The following DMD variants were observed in gnomAD, a reference collection of about 807,000 sequenced individuals.
DMD encodes mutant dystrophin.
In DMD, 63 loss-of-function variants were observed where a neutral mutation model predicts 330.1. The observed-to-expected ratio is 0.19, with a 90% confidence interval of 0.16 to 0.24. DMD has a LOEUF of 0.24. DMD is among the 10% of genes least tolerant of loss of function. The pLI is 1.00. For missense variants in DMD, 3,344 were observed against 2,684.1 expected (o/e 1.25, Z -5.43); for synonymous variants, 1,223 against 959.8 (o/e 1.27, Z -5.07).
chrX:31,155,820 T>C (rs1226945628), intron 74 of DMD, among the ~76,000 whole-genome samples: 1 of 109,865 alleles, frequency 9.1e-6, no homozygotes, highest in Non-Finnish European at 1.9e-5. Flanking sequence ...CCACCATCTT[T>C]ACAAAAAAAT....
At position 31,729,690 on chromosome X, in the gene DMD, G is replaced by C; in HGVS notation, c.7601C>G (p.Ala2534Gly). Residue 2534 changes from alanine (A) to glycine (G), a missense_variant, in exon 52 of 79, where the codon GCC (alanine) becomes GGC (glycine). By Grantham distance (60) the Ala-to-Gly change is moderately conservative. Coordinates refer to ENST00000357033, the MANE Select transcript of DMD (RefSeq NM_004006.3). ...GCTGGTCTTGTTTTTCAAATTTTGG[G>C]CAGCGGTAATGAGTTCTTCCAACTG... ...RPQLEELITA[A>G]QNLKNKTSNQ... is the part of the protein sequence containing the mutation. 8.3e-7 allele frequency: 1 copy of C among 1,211,345 alleles called. No individual in the cohort carries two copies. Among genetic ancestry groups the C allele is most frequent in the Non-Finnish European group, 1.1e-6 (1 of 895,402 alleles).
intron 7 of DMD, among the ~76,000 whole-genome samples, chrX:32,703,819 T>C (rs1391001153): frequency 9.0e-6 from 1 of 111,393 alleles, no homozygotes; most frequent in Non-Finnish European, 1.9e-5. Flanking sequence ...AGTATGAAAA[T>C]GATGGGATGT....
chrX:32,476,401 A>G (rs1466740271), intron 21 of DMD, among the ~76,000 whole-genome samples: 1 of 111,732 alleles, frequency 8.9e-6, no homozygotes. Context: ...TCATTTCAAA[A>G]AATCTAATCT....
chrX:31,739,820 TA>T (rs1309371064), intron 51 of DMD, among the ~76,000 whole-genome samples: 1 of 75,616 alleles, frequency 1.3e-5, no homozygotes, highest in African/African-American at 4.9e-5. Context: ...ATAAATAAAA[TA>T]AAAAAAGAGC....
chrX:31,269,301 T>C (rs1207543902), intron 62 of DMD, among the ~76,000 whole-genome samples: 1 of 111,716 alleles, frequency 9.0e-6, no homozygotes, highest in Non-Finnish European at 1.9e-5. Context: ...TATGATAATA[T>C]ATTGTTTGTT....
rs143461225 is a variant in DMD at position 32,643,641 on chromosome X, T to C, written c.1331+491A>G. Among the ~76,000 whole-genome samples the C allele has an allele frequency of 2.9e-3, 328 of 111,781 alleles. 2 individuals are homozygous for C. In the East Asian group the frequency reaches 0.034, roughly 12 times the overall value. ...CAATATATATTCTTAAGATAATTCATAGCCATACTGTATTTTAATAAGAAT... is the reference window on the plus strand; with the variant it reads ...CAATATATATTCTTAAGATAATTCACAGCCATACTGTATTTTAATAAGAAT... On this transcript the variant is annotated intron_variant, in intron 11 of 78. Coordinates refer to ENST00000357033, the MANE Select transcript of DMD (RefSeq NM_004006.3).
rs1557326847 is a variant in DMD, at chrX:32,394,921, A to AAAAAAAAAAC, written c.4234-4741_4234-4740insGTTTTTTTTT. Among the ~76,000 whole-genome samples the AAAAAAAAAAC allele has an allele frequency of 1.2e-3, 74 of 63,728 alleles. 2 individuals carry two copies. Among genetic ancestry groups the AAAAAAAAAAC allele is most frequent in the Middle Eastern group, 9.1e-3 (1 of 110 alleles). 55.3% of individuals were successfully genotyped at this position (63,728 alleles called of 115,157 possible). The stretch of plus-strand genomic sequence containing the variant: ...AAGAGCAAAAAACAAAAAAACAAAA[A>AAAAAAAAAAC]AAAAAAAAAAAAGAAAAGAAATCAT... On this transcript the variant is annotated intron_variant, in intron 30 of 78. Transcript: ENST00000357033.
At chrX:32,723,581 G>A (rs953223485) in intron 7 of DMD, among the ~76,000 whole-genome samples, 4 of 111,248 alleles carry the variant, frequency 3.6e-5, no homozygotes, top group African/African-American at 6.5e-5. Context: ...AATAAATCTC[G>A]ATAACTGCTT....
rs757145485 is a variant in DMD at position 31,432,647 on chromosome X, A to C, written c.9084+11834T>G. 1.3e-3 allele frequency among the ~76,000 whole-genome samples: 148 copies of C among 111,652 alleles called. 1 individual carries two copies. The highest frequency in any genetic ancestry group is 4.5e-3 in the African/African-American group (138 of 30,777). ...ATGCCTTTATTAGAATAAAGGGAAA[A>C]GGTATGTGAGAGACATAGAGAGCAA... On this transcript the variant is annotated intron_variant, in intron 60 of 78. Transcript: ENST00000357033.
intron 1 of DMD, among the ~76,000 whole-genome samples, chrX:33,301,695 A>G (rs2053664790): frequency 9.0e-6 from 1 of 111,511 alleles, no homozygotes; most frequent in African/African-American, 3.3e-5. Context: ...GAGAGAAGGG[A>G]TGCTGTGTCC....
At chrX:32,072,443 C>G (rs1410861959) in intron 44 of DMD, among the ~76,000 whole-genome samples, 1 of 109,651 alleles carries the variant, frequency 9.1e-6, no homozygotes, top group Non-Finnish European at 1.9e-5. Flanking sequence ...AAAAAAAATG[C>G]TTTACAAAAG....
chrX:31,457,686 T>C (rs73450055), intron 59 of DMD, among the ~76,000 whole-genome samples: 8,216 of 111,667 alleles, frequency 0.074, 714 homozygotes, highest in African/African-American at 0.25. Context: ...AATAGAGGAA[T>C]CTAGAATTGT....
intron 43 of DMD, among the ~76,000 whole-genome samples, chrX:32,260,248 T>C (rs1348573207): frequency 9.0e-6 from 1 of 111,359 alleles, no homozygotes; most frequent in Admixed American, 9.6e-5. Flanking sequence ...AATGTTGACA[T>C]GGCAGAGCCA....
intron 7 of DMD, among the ~76,000 whole-genome samples, chrX:32,700,704 A>C (rs190947227): frequency 8.9e-6 from 1 of 111,787 alleles, no homozygotes; most frequent in Admixed American, 9.5e-5. Flanking sequence ...ATGAATATAA[A>C]AATCAAAGAT....
chrX:32,032,884 G>A (rs975191230), intron 44 of DMD, among the ~76,000 whole-genome samples: 34 of 111,894 alleles, frequency 3.0e-4, no homozygotes, highest in African/African-American at 1.0e-3. Context: ...GAAATGGGGC[G>A]ACCAGATCTA....
At chrX:32,258,252 G>A (rs1306509791) in intron 43 of DMD, among the ~76,000 whole-genome samples, 2 of 111,856 alleles carry the variant, frequency 1.8e-5, no homozygotes, top group African/African-American at 6.5e-5. Flanking sequence ...GGAAGACAGT[G>A]TGGCGATTCC....
chrX:31,709,436 C>T (rs1031595106), intron 52 of DMD, among the ~76,000 whole-genome samples: 2 of 111,209 alleles, frequency 1.8e-5, no homozygotes, highest in African/African-American at 3.3e-5. Flanking sequence ...GGCAATAATG[C>T]TTGTTCTTAC....
chrX:32,376,002 G>A (rs1042989491), intron 34 of DMD, among the ~76,000 whole-genome samples: 5 of 111,545 alleles, frequency 4.5e-5, no homozygotes, highest in East Asian at 2.8e-4. Flanking sequence ...TCTTCTGGCC[G>A]GGTGTGGTGA....
intron 50 of DMD, among the ~76,000 whole-genome samples, chrX:31,802,086 A>G (rs2092094129): frequency 9.0e-6 from 1 of 111,382 alleles, no homozygotes; most frequent in East Asian, 2.8e-4. Context: ...TGGAGATAAG[A>G]GAGTAAGTAG....
Sources: allele counts gnomAD v4.1 joint callset (sites outside exome capture counted in the v4.1 genomes callset), GRCh38; gene constraint gnomAD v4.1.1; transcripts MANE v1.5; gene names NCBI Gene and HGNC (gene_info 2026-07-23, HGNC 2026-07-21).